Variants in KCNB2 observed in about 807,000 individuals in gnomAD.
KCNB2 encodes potassium voltage-gated channel subfamily B member 2.
KCNB2 carries 15 observed loss-of-function variants against 61.5 expected under a neutral mutation model. The observed-to-expected ratio is 0.24, with a 90% confidence interval of 0.16 to 0.38. The LOEUF is 0.38. KCNB2 is among the 10% of genes least tolerant of loss of function. The pLI is 1.00. For synonymous variants in KCNB2, 457 were observed against 446.0 expected (o/e 1.02, Z -0.31); for missense variants, 828 against 1,125.2 (o/e 0.74, Z 3.78).
chr8:72,585,435 G>T (rs1027521965), intron 2 of KCNB2, among the ~76,000 whole-genome samples: 1 of 152,124 alleles, frequency 6.6e-6, no homozygotes, highest in African/African-American at 2.4e-5. Flanking sequence ...TTATTTTCTT[G>T]TTTTATCTTC....
At chr8:72,619,564 A>G (rs903235205) in intron 2 of KCNB2, among the ~76,000 whole-genome samples, 2 of 149,544 alleles carry the variant, frequency 1.3e-5, no homozygotes, top group Non-Finnish European at 3.0e-5. Flanking sequence ...AGCAACCTGC[A>G]CCTCTTTCTC....
chr8:72,674,245 T>C lies in KCNB2; in HGVS notation c.579+105932T>C, dbSNP rs548176649. Among the ~76,000 whole-genome samples the C allele has an allele frequency of 3.9e-5, 6 of 152,358 alleles. No homozygotes were observed. In the South Asian group the frequency reaches 1.2e-3, roughly 32 times the overall value. ...TTCTGTAAATGGTGATGATAATATC[T>C]ACCTAAAAAGGTGTTTTTAAAGTAT... is the stretch of plus-strand genomic sequence containing the variant. On this transcript the variant is annotated intron_variant, in intron 2 of 2. Transcript: ENST00000523207.
chr8:72,850,233 G>A (rs1810075404), intron 2 of KCNB2, among the ~76,000 whole-genome samples: 1 of 97,554 alleles, frequency 1.0e-5, no homozygotes, highest in Admixed American at 1.1e-4. Flanking sequence ...GTGTGTGTGT[G>A]TGTGTAAATA....
intron 1 of KCNB2, among the ~76,000 whole-genome samples, chr8:72,556,124 T>C (rs1806422528): frequency 6.6e-6 from 1 of 152,158 alleles, no homozygotes; most frequent in Non-Finnish European, 1.5e-5. Flanking sequence ...TTGGTCCATC[T>C]GTGGGTCCCT....
At chr8:72,661,216 A>G (rs1806375406) in intron 2 of KCNB2, 1 of 152,186 alleles carries the variant, frequency 6.6e-6, no homozygotes, top group Non-Finnish European at 1.5e-5. Flanking sequence ...GAGTTTCACC[A>G]TGTTGGCCAG....
chr8:72,779,151 C>T (rs537726573), intron 2 of KCNB2, among the ~76,000 whole-genome samples: 1 of 152,210 alleles, frequency 6.6e-6, no homozygotes, highest in South Asian at 2.1e-4. Context: ...GAGTAGATGC[C>T]GATCAAGGCT....
At chr8:72,725,587 G>GTGTA (rs1807630495) in intron 2 of KCNB2, among the ~76,000 whole-genome samples, 8 of 25,220 alleles carry the variant, frequency 3.2e-4, no homozygotes, top group African/African-American at 9.0e-4. Context: ...ATATATATAT[G>GTGTA]TATGTATATA....
Position 72,860,565 on chromosome 8 carries a change from T to C in KCNB2, c.580-75370T>C, listed in dbSNP as rs138646076. On this transcript the variant is annotated intron_variant, in intron 2 of 2. Coordinates refer to ENST00000523207, the MANE Select transcript of KCNB2 (RefSeq NM_004770.3). ...GGGCAGAGTCCTTCAAATAAACCAT[T>C]GGCTTTTTGGCCTTTCCTGTTTCTG... is the stretch of plus-strand genomic sequence containing the variant. Among the ~76,000 whole-genome samples, 1,152 of 152,342 alleles carry C rather than the reference T, an allele frequency of 7.6e-3. 7 individuals are homozygous for C. The highest frequency in any genetic ancestry group is 0.011 in the Non-Finnish European group (727 of 68,022).
At chr8:72,839,590 G>A (rs1809842562) in intron 2 of KCNB2, among the ~76,000 whole-genome samples, 1 of 139,406 alleles carries the variant, frequency 7.2e-6, no homozygotes, top group South Asian at 2.4e-4. Context: ...GCTAAACTTT[G>A]AAAGGCTTCT....
chr8:72,898,115 A>G (rs1367331565), intron 2 of KCNB2, among the ~76,000 whole-genome samples: 1 of 152,142 alleles, frequency 6.6e-6, no homozygotes, highest in Non-Finnish European at 1.5e-5. Context: ...TCATTTCTCT[A>G]TGGAATTCAG....
chr8:72,605,234 G>A lies in KCNB2; in HGVS notation c.579+36921G>A, dbSNP rs533399856. Reference sequence around the variant, plus strand: ...TACAGCTGTGCTCATTACCAAGCCTGACACAGCACAGCTGGGACATGGCAT... The same window carrying A: ...TACAGCTGTGCTCATTACCAAGCCTAACACAGCACAGCTGGGACATGGCAT... On this transcript the variant is annotated intron_variant, in intron 2 of 2. Transcript: ENST00000523207. Among the ~76,000 whole-genome samples, 3 of 152,342 alleles carry A rather than the reference G, an allele frequency of 2.0e-5. No individual in the cohort carries two copies. The East Asian group carries it at 5.8e-4, about 29-fold the overall frequency.
intron 1 of KCNB2, among the ~76,000 whole-genome samples, chr8:72,551,435 T>A (rs1806343096): frequency 6.6e-6 from 1 of 152,118 alleles, no homozygotes; most frequent in African/African-American, 2.4e-5. Context: ...GCCAGCATCG[T>A]CTCAGGCCCC....
intron 2 of KCNB2, among the ~76,000 whole-genome samples, chr8:72,675,655 G>T (rs1236406308): frequency 6.6e-6 from 1 of 151,988 alleles, no homozygotes; most frequent in African/African-American, 2.4e-5. Flanking sequence ...CTGGTTTCAA[G>T]CGATTCTTCT....
chr8:72,665,041 AC>A (rs1806444550), intron 2 of KCNB2, among the ~76,000 whole-genome samples: 1 of 152,156 alleles, frequency 6.6e-6, no homozygotes, highest in Non-Finnish European at 1.5e-5. Context: ...GTGGGGAAGA[AC>A]ATCTAGGCCC....
chr8:72,591,405 G>A (rs773486259), intron 2 of KCNB2, among the ~76,000 whole-genome samples: 4 of 151,978 alleles, frequency 2.6e-5, no homozygotes, highest in African/African-American at 4.8e-5. Context: ...TAATAGTCTG[G>A]GACTGAGCTG....
chr8:72,680,782 C>G (rs2128989043), intron 2 of KCNB2, among the ~76,000 whole-genome samples: 1 of 152,270 alleles, frequency 6.6e-6, no homozygotes, highest in South Asian at 2.1e-4. Flanking sequence ...TAGCGAGGCT[C>G]TGAACCTACT....
intron 2 of KCNB2, among the ~76,000 whole-genome samples, chr8:72,793,629 C>T (rs1200398976): frequency 6.6e-6 from 1 of 152,134 alleles, no homozygotes; most frequent in African/African-American, 2.4e-5. Context: ...TCCATCAATT[C>T]AGAATTTTTA....
chr8:72,927,638 C>T (rs967199515), intron 2 of KCNB2, among the ~76,000 whole-genome samples: 3 of 152,214 alleles, frequency 2.0e-5, no homozygotes, highest in African/African-American at 7.2e-5. Flanking sequence ...GAAATCAAGG[C>T]TCTCGCAATT....
At chr8:72,897,937 A>G (rs1250937676) in intron 2 of KCNB2, among the ~76,000 whole-genome samples, 1 of 152,118 alleles carries the variant, frequency 6.6e-6, no homozygotes, top group East Asian at 1.9e-4. Context: ...TCTTGGAGGG[A>G]CAGAGGTACC....
Sources: allele counts gnomAD v4.1 joint callset (sites outside exome capture counted in the v4.1 genomes callset), GRCh38; gene constraint gnomAD v4.1.1; transcripts MANE v1.5; gene names NCBI Gene and HGNC (gene_info 2026-07-23, HGNC 2026-07-21).